MYO16: variants seen among roughly 807,000 people sequenced by gnomAD.
MYO16 encodes the protein unconventional myosin-XVI.
Under a neutral mutation model 205.3 loss-of-function variants are expected in MYO16, and 94 were observed. The observed-to-expected ratio is 0.46, with a 90% confidence interval of 0.39 to 0.54. MYO16 has a LOEUF of 0.54. Ranked by LOEUF, MYO16 falls within the 20% of genes least tolerant of loss-of-function variation. The pLI is 0.00. For synonymous variants in MYO16, 988 were observed against 954.0 expected, an observed-to-expected ratio of 1.04 and a Z score of -0.66; for missense variants, 2,315 against 2,387.5, an observed-to-expected ratio of 0.97 and a Z score of 0.63.
intron 27 of MYO16, among the ~76,000 whole-genome samples, chr13:109,077,205 A>C (rs1479845775): frequency 6.6e-6 from 1 of 152,080 alleles, no homozygotes; most frequent in Non-Finnish European, 1.5e-5. Context: ...TTTTTAGTAG[A>C]GACGGGATTT....
At chr13:108,659,266 A>G (rs1302439665) in intron 1 of MYO16, 6 of 175,148 alleles carry the variant, frequency 3.4e-5, no homozygotes, top group Non-Finnish European at 4.5e-5. Flanking sequence ...ATATATATAT[A>G]TCATATATAT....
intron 9 of MYO16, among the ~76,000 whole-genome samples, chr13:108,830,545 G>A (rs1468243526): frequency 2.0e-5 from 3 of 148,334 alleles, no homozygotes; most frequent in Non-Finnish European, 3.0e-5. Flanking sequence ...TCACTCATAG[G>A]TGGGAATTGA....
In MYO16 at chr13:109,127,514, G is replaced by A. The variant is rs764112051; in HGVS notation, c.4015G>A (p.Ala1339Thr). The change falls in exon 31 of 35, where the codon GCC becomes ACC. Residue 1339 changes from alanine to threonine, a missense_variant. Around this residue, in one of 3 missense-constraint regions of MYO16, gnomAD observed 1,097 missense variants for 1,092.0 expected, o/e 1.00. Coordinates refer to ENST00000457511, the MANE Select transcript of MYO16 (RefSeq NM_001198950.3). The surrounding 1 kb of genome is among the most constrained non-coding windows in gnomAD (Gnocchi z 4.2). ...RLSASYEAVS[A>T]CLSAAREAAN... is the part of the protein sequence containing the mutation. ...GAGTGCTTCCTATGAGGCTGTGAGC[G>A]CCTGCCTCTCCGCGGCCAGGGAAGC... 3.1e-6 allele frequency: 5 copies of A among 1,612,108 alleles called. No homozygotes were observed. The highest frequency in any genetic ancestry group is 2.2e-5 in the East Asian group (1 of 44,834).
intron 3 of MYO16, among the ~76,000 whole-genome samples, chr13:108,726,082 G>T (rs61969551): frequency 0.24 from 37,186 of 151,914 alleles, 5,616 homozygotes; most frequent in African/African-American, 0.44. Context: ...GTGTGCCAGT[G>T]CTTCCAGTGG....
intron 16 of MYO16, among the ~76,000 whole-genome samples, chr13:108,941,764 T>A (rs1378564744): frequency 1.3e-5 from 2 of 152,180 alleles, no homozygotes; most frequent in East Asian, 3.9e-4. Context: ...ATTTTCTCAT[T>A]TGTTTTCTTA....
chr13:109,160,297 T>C (rs554547549), intron 32 of MYO16, among the ~76,000 whole-genome samples: 26 of 152,354 alleles, frequency 1.7e-4, no homozygotes, highest in Admixed American at 3.3e-4. Context: ...GAATTTTTTG[T>C]ATCAACATTT....
chr13:108,695,598 C>T (rs560563493), intron 2 of MYO16, among the ~76,000 whole-genome samples: 5 of 151,684 alleles, frequency 3.3e-5, no homozygotes, highest in Admixed American at 6.6e-5. Context: ...TGGATCATGG[C>T]TTTTTTCATG....
intron 32 of MYO16, among the ~76,000 whole-genome samples, chr13:109,143,319 A>T (rs1877188199): frequency 6.6e-6 from 1 of 152,148 alleles, no homozygotes; most frequent in African/African-American, 2.4e-5. Flanking sequence ...CCTTCTCCCT[A>T]TTTATTCTTC....
the MYO16 span, among the ~76,000 whole-genome samples, chr13:108,508,906 C>A: frequency 1.9e-4 from 29 of 152,168 alleles, no homozygotes; most frequent in South Asian, 4.1e-4. Context: ...CTGTTACCAT[C>A]CCATAGACTG....
chr13:109,191,400 T>G (rs557666957), intron 34 of MYO16, among the ~76,000 whole-genome samples: 3 of 151,980 alleles, frequency 2.0e-5, no homozygotes, highest in Non-Finnish European at 2.9e-5. Context: ...AAGTAAAATA[T>G]GTAATACACT....
At chr13:108,979,989 G>C (rs1884398212) in intron 20 of MYO16, among the ~76,000 whole-genome samples, 1 of 152,050 alleles carries the variant, frequency 6.6e-6, no homozygotes, top group Non-Finnish European at 1.5e-5. Flanking sequence ...ATGATAAATT[G>C]CTTCAACAAT....
intron 1 of MYO16, among the ~76,000 whole-genome samples, chr13:108,649,243 C>T (rs1327853832): frequency 6.6e-6 from 1 of 152,142 alleles, no homozygotes; most frequent in African/African-American, 2.4e-5. Context: ...TTCCAGTGTC[C>T]ATTTATCAAA....
Position 108,805,925 on chromosome 13 carries a change from AAAAT to A in MYO16, c.742-722_742-719del, listed in dbSNP as rs113156198. On this transcript the variant is annotated intron_variant, in intron 6 of 34. Transcript: ENST00000457511. ...AACATGGTTAAAACTAGTCTCTACC[AAAAT>A]AAATAAATAAATAAATAAATAAATA... Among the ~76,000 whole-genome samples, 526 of 137,066 alleles carry A rather than the reference AAAAT, an allele frequency of 3.8e-3. 4 individuals carry two copies. The highest frequency in any genetic ancestry group is 0.013 in the African/African-American group (480 of 37,632). The allele number at this position is 137,066 out of a possible 152,430, so 89.9% of individuals were successfully genotyped here. A position where few individuals can be genotyped will look rare whatever the true frequency, so the allele number is the denominator to read the frequency against.
chr13:108,754,747 C>T (rs1197274263), intron 4 of MYO16, among the ~76,000 whole-genome samples: 2 of 152,144 alleles, frequency 1.3e-5, no homozygotes, highest in Admixed American at 1.3e-4. Flanking sequence ...TTCTTGTCTG[C>T]CTGGTTCTGC....
At chr13:108,718,168 A>G (rs2139564046) in intron 3 of MYO16, among the ~76,000 whole-genome samples, 1 of 152,252 alleles carries the variant, frequency 6.6e-6, no homozygotes, top group African/African-American at 2.4e-5. Context: ...TATTTTGTAA[A>G]GAGGCAGAAT....
chr13:108,607,765 T>C (rs1313174082), intron 1 of MYO16, among the ~76,000 whole-genome samples: 2 of 152,166 alleles, frequency 1.3e-5, no homozygotes, highest in Admixed American at 6.5e-5. Flanking sequence ...GTGGAGCTTT[T>C]TGGGACTGAA....
chr13:109,033,128 T>C (rs774413429), intron 23 of MYO16, among the ~76,000 whole-genome samples: 1 of 152,124 alleles, frequency 6.6e-6, no homozygotes, highest in Non-Finnish European at 1.5e-5. Context: ...TTCAGAGGCA[T>C]TGGTGTGTGC....
chr13:109,082,992 ATGGCTAGTATTTAAAACCAGGG>A (rs1190085967), intron 27 of MYO16, among the ~76,000 whole-genome samples: 1 of 152,208 alleles, frequency 6.6e-6, no homozygotes. Flanking sequence ...TCACCAGAAT[ATGGCTAGTATTTAAAACCAGGG>A]TAATAAATGA....
chr13:109,070,786 A>G (rs959241087), intron 27 of MYO16, among the ~76,000 whole-genome samples: 2 of 152,180 alleles, frequency 1.3e-5, no homozygotes, highest in Non-Finnish European at 2.9e-5. Flanking sequence ...AACTGACAGC[A>G]TTCTTTGTAA....
Sources: allele counts gnomAD v4.1 joint callset (sites outside exome capture counted in the v4.1 genomes callset), GRCh38; gene constraint gnomAD v4.1.1; regional missense constraint gnomAD v4.1.1; non-coding constraint Gnocchi (gnomAD v3.1); transcripts MANE v1.5; gene names NCBI Gene and HGNC (gene_info 2026-07-23, HGNC 2026-07-21).